KIF16B: variants seen among roughly 807,000 people sequenced by gnomAD.
KIF16B encodes the protein kinesin-like protein KIF16B.
Under a neutral mutation model 156.3 loss-of-function variants are expected in KIF16B, and 98 were observed. That is an observed-to-expected ratio of 0.63 (90% confidence interval 0.53 to 0.74). The LOEUF is 0.74. KIF16B is among the 30% of genes least tolerant of loss of function. The pLI is 0.00. For synonymous variants in KIF16B, 564 were observed against 583.7 expected, an observed-to-expected ratio of 0.97 and a Z score of 0.49; for missense variants, 1,421 against 1,606.5, an observed-to-expected ratio of 0.88 and a Z score of 1.97.
rs576704491 is a variant in KIF16B, at chr20:16,273,192, G to T, written c.*61C>A. On this transcript the variant is annotated 3_prime_UTR_variant, in exon 26 of 26. Coordinates refer to ENST00000354981, the MANE Select transcript of KIF16B (RefSeq NM_024704.5). ...GATCCTCGCATGGGGGAGCTGCCCT[G>T]CATCGGAGCCCGCTTCGACGAGAAG... The T allele has an allele frequency of 2.8e-6, 4 of 1,435,784 alleles. No individual in the cohort carries two copies. The highest frequency in any genetic ancestry group is 3.9e-6 in the Non-Finnish European group (4 of 1,023,644). 88.9% of individuals were successfully genotyped at this position (1,435,784 alleles called of 1,614,324 possible).
At chr20:16,396,879 C>A (rs1600286368) in intron 17 of KIF16B, among the ~76,000 whole-genome samples, 1 of 141,950 alleles carries the variant, frequency 7.0e-6, no homozygotes, top group Non-Finnish European at 1.5e-5. Context: ...CAATGGCTCA[C>A]CAGAAACAGG....
At chr20:16,522,358 G>C (rs985099038) in intron 3 of KIF16B, among the ~76,000 whole-genome samples, 3 of 152,098 alleles carry the variant, frequency 2.0e-5, no homozygotes, top group African/African-American at 7.2e-5. Context: ...AAAAATAGCA[G>C]GGGTTGCAAT....
At chr20:16,536,963 T>A (rs887450850) in intron 1 of KIF16B, among the ~76,000 whole-genome samples, 1 of 152,044 alleles carries the variant, frequency 6.6e-6, no homozygotes, top group Admixed American at 6.6e-5. Context: ...AACATTCAGT[T>A]ACCTAGTCCC....
chr20:16,519,206 C>T (rs1326417786), intron 3 of KIF16B, among the ~76,000 whole-genome samples: 2 of 152,204 alleles, frequency 1.3e-5, no homozygotes, highest in African/African-American at 4.8e-5. Context: ...TATCTTTCCT[C>T]TCCCAGGCCT....
Position 16,573,359 on chromosome 20 carries a change from C to G in KIF16B, c.-84G>C. The G allele has an allele frequency of 1.4e-6, 2 of 1,433,822 alleles. No individual in the cohort carries two copies. The highest frequency in any genetic ancestry group is 9.6e-7 in the Non-Finnish European group (1 of 1,038,930). The allele number at this position is 1,433,822 out of a possible 1,614,324, so 88.8% of individuals were successfully genotyped here. On this transcript the variant is annotated 5_prime_UTR_variant, in exon 1 of 26. Coordinates refer to ENST00000354981, the MANE Select transcript of KIF16B (RefSeq NM_024704.5). ...GCGACGCTGGCTACTCAGATCGCGG[C>G]TCCCGCCCACTTCCCTCTCGCCCCC...
intron 10 of KIF16B, among the ~76,000 whole-genome samples, chr20:16,498,142 C>T (rs556322044): frequency 3.9e-4 from 59 of 152,238 alleles, no homozygotes; most frequent in African/African-American, 1.4e-3. Flanking sequence ...CATGGCTACA[C>T]GACAATCTCT....
rs200756582 is a variant in KIF16B at position 16,381,622 on chromosome 20, G to A, written c.1838+72C>T. ...GGAAGTATTGAAGCAGACACAGATG[G>A]AATCAGTCCAGGATATTAACACAGG... is the stretch of plus-strand genomic sequence containing the variant. On this transcript the variant is annotated intron_variant, in intron 18 of 25. Coordinates refer to ENST00000354981, the MANE Select transcript of KIF16B (RefSeq NM_024704.5). 77 of 1,132,878 alleles carry A rather than the reference G, an allele frequency of 6.8e-5. No homozygotes were observed. The East Asian group carries it at 1.7e-3, about 25-fold the overall frequency. 70.2% of individuals were successfully genotyped at this position (1,132,878 alleles called of 1,614,324 possible).
At chr20:16,422,137 A>C (rs1310538039) in intron 15 of KIF16B, among the ~76,000 whole-genome samples, 1 of 152,188 alleles carries the variant, frequency 6.6e-6, no homozygotes, top group African/African-American at 2.4e-5. Flanking sequence ...TTTATATACC[A>C]TGCCTCAATT....
chr20:16,335,564 A>G (rs1407960705), intron 24 of KIF16B, among the ~76,000 whole-genome samples: 1 of 152,212 alleles, frequency 6.6e-6, no homozygotes, highest in East Asian at 1.9e-4. Context: ...AATCTATATG[A>G]AGAAGTTATT....
intron 12 of KIF16B, among the ~76,000 whole-genome samples, chr20:16,451,791 C>T (rs926406563): frequency 6.6e-6 from 1 of 151,916 alleles, no homozygotes. Context: ...TTTATTCAGG[C>T]CTTGGTTTTA....
chr20:16,532,819 T>C (rs1488682488), intron 1 of KIF16B, among the ~76,000 whole-genome samples: 1 of 152,232 alleles, frequency 6.6e-6, no homozygotes, highest in African/African-American at 2.4e-5. Flanking sequence ...TTGTCAATTC[T>C]TGCCTAGAAA....
intron 6 of KIF16B, among the ~76,000 whole-genome samples, chr20:16,509,707 T>C (rs1479205240): frequency 6.6e-6 from 1 of 152,240 alleles, no homozygotes; most frequent in African/African-American, 2.4e-5. Context: ...CTTTATATAG[T>C]AGGAAAATTA....
At chr20:16,448,752 G>A (rs1280968841) in intron 12 of KIF16B, among the ~76,000 whole-genome samples, 1 of 152,090 alleles carries the variant, frequency 6.6e-6, no homozygotes, top group African/African-American at 2.4e-5. Flanking sequence ...AAAGATTTTC[G>A]AAAGCAAAAT....
chr20:16,496,232 A>T (rs2068448414), intron 11 of KIF16B, among the ~76,000 whole-genome samples: 1 of 152,230 alleles, frequency 6.6e-6, no homozygotes, highest in Non-Finnish European at 1.5e-5. Flanking sequence ...TATACTCATC[A>T]GTTAACAGAT....
At chr20:16,330,213 C>T (rs188082964) in intron 24 of KIF16B, among the ~76,000 whole-genome samples, 33 of 152,254 alleles carry the variant, frequency 2.2e-4, no homozygotes, top group Admixed American at 6.5e-4. Flanking sequence ...AACTCCTTAC[C>T]GCTTTAATTG....
At chr20:16,375,871 C>T (rs932087393) in intron 19 of KIF16B, among the ~76,000 whole-genome samples, 1 of 152,108 alleles carries the variant, frequency 6.6e-6, no homozygotes, top group Non-Finnish European at 1.5e-5. Flanking sequence ...ATATGGATGG[C>T]AAGGGACAAG....
At chr20:16,467,415 G>A (rs567091223) in intron 12 of KIF16B, among the ~76,000 whole-genome samples, 1 of 152,260 alleles carries the variant, frequency 6.6e-6, no homozygotes, top group East Asian at 1.9e-4. Flanking sequence ...GCAAAACACA[G>A]TTTTGAAGAG....
At chr20:16,552,412 C>T (rs370772773) in intron 1 of KIF16B, among the ~76,000 whole-genome samples, 18 of 152,298 alleles carry the variant, frequency 1.2e-4, no homozygotes, top group Middle Eastern at 3.4e-3. Context: ...TTATGAGCTT[C>T]GTTGAGGTTT....
At chr20:16,536,023 G>A (rs1209080184) in intron 1 of KIF16B, among the ~76,000 whole-genome samples, 1 of 152,106 alleles carries the variant, frequency 6.6e-6, no homozygotes, top group African/African-American at 2.4e-5. Flanking sequence ...ATATATCAAA[G>A]GGAAACCTGC....
Sources: gnomAD v4.1 joint callset for allele counts (sites outside exome capture counted in the v4.1 genomes callset) on GRCh38, gnomAD v4.1.1 for gene constraint, MANE v1.5 for transcripts, NCBI Gene and HGNC (gene_info 2026-07-23, HGNC 2026-07-21) for gene names.